STXBP4: variants seen among roughly 807,000 people sequenced by gnomAD.
STXBP4 encodes syntaxin binding protein 4, also known as syntaxin-binding protein 4.
A neutral mutation model predicts 76.1 loss-of-function variants in STXBP4; 55 were observed. The observed-to-expected ratio is 0.72, with a 90% confidence interval of 0.58 to 0.91. The LOEUF is 0.91. Ranked by LOEUF, STXBP4 falls within the 40% of genes least tolerant of loss-of-function variation. The probability of loss-of-function intolerance (pLI) is 0.00; values close to 1 mark genes in which losing one functional copy is unlikely to be tolerated. For synonymous variants in STXBP4, 201 were observed against 220.2 expected, an observed-to-expected ratio of 0.91 and a Z score of 0.77; for missense variants, 618 against 636.9, an observed-to-expected ratio of 0.97 and a Z score of 0.32.
intron 16 of STXBP4, among the ~76,000 whole-genome samples, chr17:55,135,635 G>T (rs1218860488): frequency 1.3e-5 from 2 of 152,016 alleles, no homozygotes; most frequent in African/African-American, 4.8e-5. Context: ...TTAGCTAGTA[G>T]TTCTTTTTAA....
intron 1 of STXBP4, among the ~76,000 whole-genome samples, chr17:54,979,336 A>G (rs1352773662): frequency 6.6e-6 from 1 of 152,188 alleles, no homozygotes. Context: ...CCCCAGCCAC[A>G]TCTTCCTTTT....
intron 16 of STXBP4, among the ~76,000 whole-genome samples, chr17:55,115,132 C>A (rs373630317): frequency 6.6e-6 from 1 of 151,742 alleles, no homozygotes; most frequent in Admixed American, 6.6e-5. Flanking sequence ...GTTATTAAAA[C>A]GTAAAATGCT....
the STXBP4 span, among the ~76,000 whole-genome samples, chr17:55,185,254 T>TCTTCTTCTTCTTCTTCTC: frequency 7.9e-5 from 4 of 50,480 alleles, no homozygotes; most frequent in African/African-American, 3.9e-4. Context: ...TTCTTCTCCT[T>TCTTCTTCTTCTTCTTCTC]CTCCTTCTCC....
At chr17:54,991,865 G>A (rs562748328) in intron 4 of STXBP4, 4 of 151,796 alleles carry the variant, frequency 2.6e-5, no homozygotes, top group Non-Finnish European at 5.9e-5. Context: ...TATATAGCAT[G>A]AGAAAGGATC....
At chr17:55,108,412 T>C (rs1039696372) in intron 16 of STXBP4, among the ~76,000 whole-genome samples, 2 of 151,696 alleles carry the variant, frequency 1.3e-5, no homozygotes, top group African/African-American at 4.8e-5. Flanking sequence ...TCCAGGGGAG[T>C]GAACAGTTCT....
At position 55,141,305 on chromosome 17, in the gene STXBP4, T is replaced by C. The variant is rs746644596; in HGVS notation, c.1490-5T>C. The stretch of plus-strand genomic sequence containing the variant: ...AAATATATTTTTGGTTTCCTTTCAC[T>C]GTAGGTTTACCTTATGGGTGGGAGG... On this transcript the variant is annotated splice_polypyrimidine_tract_variant and splice_region_variant and intron_variant, in intron 16 of 17. Coordinates refer to ENST00000376352, the MANE Select transcript of STXBP4 (RefSeq NM_178509.6). 1 of 1,610,398 alleles carries C rather than the reference T, an allele frequency of 6.2e-7. No homozygotes were observed. The highest frequency in any genetic ancestry group is 1.1e-5 in the South Asian group (1 of 90,284).
intron 1 of STXBP4, among the ~76,000 whole-genome samples, chr17:54,975,705 A>G (rs570534949): frequency 7.2e-5 from 11 of 152,312 alleles, no homozygotes; most frequent in African/African-American, 2.4e-4. Flanking sequence ...ACCATAGCCC[A>G]TAAGACCCTA....
chr17:55,128,790 A>G (rs949845181), intron 16 of STXBP4, among the ~76,000 whole-genome samples: 2 of 151,660 alleles, frequency 1.3e-5, no homozygotes, highest in East Asian at 2.0e-4. Context: ...TACTTTTACT[A>G]TTTTTGTAGA....
intron 8 of STXBP4, among the ~76,000 whole-genome samples, chr17:55,012,208 A>G (rs1364783400): frequency 6.6e-6 from 1 of 152,066 alleles, no homozygotes; most frequent in Non-Finnish European, 1.5e-5. Flanking sequence ...TTACCTTTCC[A>G]TTGGTTAGCT....
At chr17:55,201,075 A>C in the STXBP4 span, among the ~76,000 whole-genome samples, 1 of 152,152 alleles carries the variant, frequency 6.6e-6, no homozygotes, top group Non-Finnish European at 1.5e-5. Context: ...ATTATGTTCC[A>C]TTCACTGTCA....
intron 11 of STXBP4, chr17:55,044,017 T>G (rs1361514795): frequency 5.8e-6 from 1 of 171,380 alleles, no homozygotes; most frequent in African/African-American, 2.4e-5. Context: ...CTCAACTAAT[T>G]TTTTTTTAAA....
chr17:55,047,804 C>G (rs2078809623), intron 12 of STXBP4, among the ~76,000 whole-genome samples: 1 of 151,700 alleles, frequency 6.6e-6, no homozygotes, highest in South Asian at 2.1e-4. Context: ...CATACAGGAC[C>G]CATATTTTGA....
rs1249345163 is a variant in STXBP4 at position 55,169,865 on chromosome 17, T to G, written c.*9954T>G. 1 of 152,246 alleles carries G rather than the reference T, an allele frequency of 6.6e-6. No homozygotes were observed. Among genetic ancestry groups the G allele is most frequent in the Non-Finnish European group, 1.5e-5 (1 of 68,032 alleles). 9.4% of individuals were successfully genotyped at this position (152,246 alleles called of 1,614,324 possible). On this transcript the variant is annotated 3_prime_UTR_variant, in exon 18 of 18. Coordinates refer to ENST00000376352, the MANE Select transcript of STXBP4 (RefSeq NM_178509.6). ...ACAGATAATTTTGTAGTATTTACTG[T>G]GTGAAGTGAACCTTTAAGGCTGTGG...
Position 54,999,732 on chromosome 17 carries a change from T to G in STXBP4, c.388T>G (p.Tyr130Asp), listed in dbSNP as rs1283644237. ...ATCACTTATAGAAGCTTCAGGAGAATATGGACCTCAAGCCTCAACATTAAG... is the reference window on the plus strand; with the variant it reads ...ATCACTTATAGAAGCTTCAGGAGAAGATGGACCTCAAGCCTCAACATTAAG... ...CTSLIEASGE[Y>D]GPQASTLSLF... The change falls in exon 6 of 18, where the codon TAT becomes GAT. Residue 130 changes from tyrosine to aspartate, a missense_variant. Coordinates refer to ENST00000376352, the MANE Select transcript of STXBP4 (RefSeq NM_178509.6). 2 of 1,613,716 alleles carry G rather than the reference T, an allele frequency of 1.2e-6. No homozygotes were observed.
At chr17:55,115,301 C>A (rs1192911723) in intron 16 of STXBP4, among the ~76,000 whole-genome samples, 1 of 151,726 alleles carries the variant, frequency 6.6e-6, no homozygotes, top group Non-Finnish European at 1.5e-5. Flanking sequence ...GATCATAGTT[C>A]TAAAACCACC....
intron 8 of STXBP4, among the ~76,000 whole-genome samples, chr17:55,028,743 A>T (rs943411957): frequency 9.9e-5 from 15 of 152,216 alleles, no homozygotes; most frequent in African/African-American, 3.6e-4. Context: ...GTTTAATTGC[A>T]CTTGTAATTA....
intron 10 of STXBP4, 94 bp downstream of exon 10, chr17:55,034,353 A>G: frequency 1.4e-6 from 1 of 709,012 alleles, no homozygotes; most frequent in Non-Finnish European, 2.2e-6. Context: ...ACTTAAAAAT[A>G]GAAATAATAC....
chr17:55,154,891 A>C (rs1406870136), intron 17 of STXBP4, among the ~76,000 whole-genome samples: 4 of 152,068 alleles, frequency 2.6e-5, no homozygotes, highest in African/African-American at 9.7e-5. Context: ...TAAGATTTTA[A>C]AAGATAAATG....
At chr17:55,087,959 GT>G (rs1219040537) in intron 16 of STXBP4, among the ~76,000 whole-genome samples, 1 of 152,018 alleles carries the variant, frequency 6.6e-6, no homozygotes, top group African/African-American at 2.4e-5. Flanking sequence ...GCATTTTATA[GT>G]TTTCCTTATA....
Sources: allele counts gnomAD v4.1 joint callset (sites outside exome capture counted in the v4.1 genomes callset), GRCh38; gene constraint gnomAD v4.1.1; transcripts MANE v1.5; gene names NCBI Gene and HGNC (gene_info 2026-07-23, HGNC 2026-07-21).